Variants in DOCK2 observed in about 807,000 individuals in gnomAD.
DOCK2 encodes the protein dedicator of cytokinesis 2.
Under a neutral mutation model 248.9 loss-of-function variants are expected in DOCK2, and 87 were observed. That is an observed-to-expected ratio of 0.35 (90% CI 0.29 to 0.42). DOCK2 has a LOEUF of 0.42. Among genes scored for constraint, DOCK2 ranks in the 10% least tolerant of loss-of-function variants. The probability of loss-of-function intolerance (pLI) is 1.00; values close to 1 mark genes in which losing one functional copy is unlikely to be tolerated. For synonymous variants in DOCK2, 805 were observed against 821.6 expected, an observed-to-expected ratio of 0.98 and a Z score of 0.35; for missense variants, 1,747 against 2,300.2, an observed-to-expected ratio of 0.76 and a Z score of 4.92.
intron 27 of DOCK2, among the ~76,000 whole-genome samples, chr5:169,842,189 T>C (rs1435535195): frequency 6.6e-6 from 1 of 152,204 alleles, no homozygotes; most frequent in Non-Finnish European, 1.5e-5. Context: ...CTGGATTCCC[T>C]TCAGAAAGCC....
chr5:169,846,999 G>GCTCC (rs1770355186), intron 27 of DOCK2, among the ~76,000 whole-genome samples: 1 of 152,112 alleles, frequency 6.6e-6, no homozygotes, highest in South Asian at 2.1e-4. Flanking sequence ...ATGGCCTCCA[G>GCTCC]CTCCATCCAA....
At chr5:169,830,148 C>G (rs2113285335) in intron 26 of DOCK2, among the ~76,000 whole-genome samples, 1 of 152,340 alleles carries the variant, frequency 6.6e-6, no homozygotes, top group Middle Eastern at 3.4e-3. Context: ...GCTCCATTGC[C>G]TACAGTTCTG....
chr5:169,932,431 G>A (rs1775799557), intron 27 of DOCK2, among the ~76,000 whole-genome samples: 1 of 152,180 alleles, frequency 6.6e-6, no homozygotes, highest in African/African-American at 2.4e-5. Flanking sequence ...AAGGAAGATG[G>A]CAGCTGCCAT....
chr5:169,745,359 C>A (rs548515352), intron 22 of DOCK2, among the ~76,000 whole-genome samples: 36 of 152,278 alleles, frequency 2.4e-4, no homozygotes, highest in African/African-American at 8.4e-4. Flanking sequence ...GATAATCATG[C>A]TACTCTTCCA....
At chr5:169,845,694 C>T (rs569764045) in intron 27 of DOCK2, among the ~76,000 whole-genome samples, 38 of 152,260 alleles carry the variant, frequency 2.5e-4, no homozygotes, top group African/African-American at 9.1e-4. Context: ...CTGGCTCATC[C>T]CTGAAGCCTT....
intron 33 of DOCK2, among the ~76,000 whole-genome samples, chr5:170,026,889 G>A (rs1296667477): frequency 6.6e-6 from 1 of 152,104 alleles, no homozygotes; most frequent in Non-Finnish European, 1.5e-5. Flanking sequence ...TTTGCTCCAT[G>A]TTTTATGAGT....
intron 26 of DOCK2, among the ~76,000 whole-genome samples, chr5:169,821,635 A>G (rs1768449354): frequency 6.6e-6 from 1 of 152,238 alleles, no homozygotes; most frequent in South Asian, 2.1e-4. Context: ...AAACATGGAA[A>G]GGAACAACCA....
intron 15 of DOCK2, among the ~76,000 whole-genome samples, chr5:169,711,457 T>A (rs1208918286): frequency 6.6e-6 from 1 of 152,204 alleles, no homozygotes; most frequent in African/African-American, 2.4e-5. Flanking sequence ...GCCCTAGGAT[T>A]TTTCCAAATA....
At chr5:169,896,421 T>C (rs1255476907) in intron 27 of DOCK2, among the ~76,000 whole-genome samples, 1 of 152,186 alleles carries the variant, frequency 6.6e-6, no homozygotes, top group Non-Finnish European at 1.5e-5. Context: ...ATTTTCTGCA[T>C]CTTTGTTGGA....
At chr5:169,933,874 G>A (rs1192352540) in intron 27 of DOCK2, among the ~76,000 whole-genome samples, 2 of 152,144 alleles carry the variant, frequency 1.3e-5, no homozygotes, top group Non-Finnish European at 2.9e-5. Flanking sequence ...TGAACAGAGC[G>A]TGCTCCAGGG....
chr5:169,982,919 G>T, intron 27 of DOCK2, 149 bp from the exon 28 acceptor site: 2 of 697,650 alleles, frequency 2.9e-6, no homozygotes, highest in Non-Finnish European at 4.9e-6. Flanking sequence ...TTATGTTTAT[G>T]TTCGGCACTG....
chr5:169,946,126 A>G (rs565471906), intron 27 of DOCK2, among the ~76,000 whole-genome samples: 4 of 152,332 alleles, frequency 2.6e-5, no homozygotes, highest in African/African-American at 9.6e-5. Flanking sequence ...CACAGCAAAT[A>G]TGAGGAAGGA....
At chr5:169,640,382 T>C (rs1418267318) in intron 1 of DOCK2, among the ~76,000 whole-genome samples, 1 of 152,180 alleles carries the variant, frequency 6.6e-6, no homozygotes, top group Non-Finnish European at 1.5e-5. Context: ...GGGACTCTAG[T>C]TATTCTTGTA....
At chr5:169,853,791 T>C (rs1770735193) in intron 27 of DOCK2, among the ~76,000 whole-genome samples, 1 of 134,506 alleles carries the variant, frequency 7.4e-6, no homozygotes. Context: ...CCTTCTATAA[T>C]CAGGAAAAAC....
intron 27 of DOCK2, among the ~76,000 whole-genome samples, chr5:169,863,244 G>T (rs1054295620): frequency 6.6e-6 from 1 of 152,110 alleles, no homozygotes; most frequent in Admixed American, 6.5e-5. Context: ...TTTCAATCAG[G>T]TGACCATTGT....
At chr5:169,716,080 T>C (rs569150205) in intron 19 of DOCK2, 133 bp from the exon 20 acceptor site, 65 of 786,646 alleles carry the variant, frequency 8.3e-5, no homozygotes, top group Non-Finnish European at 1.3e-4. Context: ...GTAAAACTAC[T>C]CTAGACGTTT....
chr5:170,067,244 C>T (rs1010220820), intron 44 of DOCK2, among the ~76,000 whole-genome samples: 1 of 147,044 alleles, frequency 6.8e-6, no homozygotes, highest in African/African-American at 2.6e-5. Context: ...AGAAAACCTT[C>T]TCTGGGGCAC....
chr5:169,689,103 C>T (rs750146268), intron 8 of DOCK2, 149 bp from the exon 9 acceptor site: 4 of 655,058 alleles, frequency 6.1e-6, no homozygotes, highest in African/African-American at 1.8e-5. Flanking sequence ...TGTGATCTCT[C>T]GGAGGGAAGG....
intron 1 of DOCK2, among the ~76,000 whole-genome samples, chr5:169,653,531 C>T (rs1185314130): frequency 2.0e-5 from 3 of 152,186 alleles, no homozygotes; most frequent in Admixed American, 2.0e-4. Flanking sequence ...CCGGGGCCTT[C>T]CTCCTGGTAA....
Sources: gnomAD v4.1 joint callset for allele counts (sites outside exome capture counted in the v4.1 genomes callset) on GRCh38, gnomAD v4.1.1 for gene constraint, MANE v1.5 for transcripts, NCBI Gene and HGNC (gene_info 2026-07-23, HGNC 2026-07-21) for gene names.